Variants in SFSWAP observed in about 807,000 individuals in gnomAD.
SFSWAP encodes the protein splicing factor, suppressor of white-apricot homolog.
In SFSWAP, 17 loss-of-function variants were observed where a neutral mutation model predicts 100.7. The observed-to-expected ratio is 0.17, with a 90% CI of 0.12 to 0.25. The LOEUF (loss-of-function observed/expected upper bound fraction) is 0.25, where lower values mean the gene tolerates loss of function less well. Among genes scored for constraint, SFSWAP ranks in the 10% least tolerant of loss-of-function variants. SFSWAP has a pLI of 1.00. For missense variants in SFSWAP, 1,005 were observed against 1,262.6 expected (o/e 0.80, Z 3.09); for synonymous variants, 504 against 510.1 (o/e 0.99, Z 0.16).
At chr12:131,752,758 G>A (rs1277499015) in intron 7 of SFSWAP, among the ~76,000 whole-genome samples, 2 of 152,234 alleles carry the variant, frequency 1.3e-5, no homozygotes, top group East Asian at 1.9e-4. Flanking sequence ...GGCCTTCGTG[G>A]GCCGTGTGAG....
At chr12:131,765,845 T>C (rs1388966131) in intron 12 of SFSWAP, among the ~76,000 whole-genome samples, 1 of 152,140 alleles carries the variant, frequency 6.6e-6, no homozygotes, top group Non-Finnish European at 1.5e-5. Flanking sequence ...GTGTGAATAT[T>C]TTGGATATAT....
chr12:131,754,250 A>G (rs1338863676), intron 8 of SFSWAP, 118 bp from the exon 9 acceptor site: 22 of 637,418 alleles, frequency 3.5e-5, no homozygotes, highest in Non-Finnish European at 4.9e-5. Context: ...CCCCTAACAC[A>G]CTGTTTATAA....
chr12:131,737,287 T>C (rs184644294), intron 7 of SFSWAP, among the ~76,000 whole-genome samples: 23 of 152,152 alleles, frequency 1.5e-4, no homozygotes, highest in Admixed American at 1.5e-3. Flanking sequence ...AGTGCTTCTG[T>C]ATCGGCACCT....
chr12:131,731,216 T>TGTGGC (rs1879471754), intron 7 of SFSWAP, among the ~76,000 whole-genome samples: 2 of 152,350 alleles, frequency 1.3e-5, no homozygotes, highest in African/African-American at 2.4e-5. Context: ...GATGAGTGGC[T>TGTGGC]GTGGCGTGGC....
chr12:131,785,122 G>A (rs1384351178), intron 14 of SFSWAP: 5 of 1,535,664 alleles, frequency 3.3e-6, no homozygotes, highest in South Asian at 2.4e-5. Flanking sequence ...TCAGAGCAGC[G>A]CGTCAGTGAC....
chr12:131,784,063 T>C (rs1474900419), intron 14 of SFSWAP: 1 of 151,978 alleles, frequency 6.6e-6, no homozygotes, highest in Non-Finnish European at 1.5e-5. Context: ...GGAAACCAGA[T>C]GCTTGCAGTT....
intron 13 of SFSWAP, among the ~76,000 whole-genome samples, chr12:131,769,127 A>C: frequency 1.0e-4 from 1 of 9,558 alleles, no homozygotes; most frequent in South Asian, 3.4e-3. Flanking sequence ...ACTCCTTCTC[A>C]AAAAAAAAAA....
At chr12:131,784,955 G>A (rs188051069) in intron 14 of SFSWAP, 17 of 714,052 alleles carry the variant, frequency 2.4e-5, no homozygotes, top group African/African-American at 9.0e-5. Flanking sequence ...AGAATTCTAC[G>A]TGTAAGCATT....
chr12:131,741,947 G>GT (rs1761605470), intron 7 of SFSWAP, among the ~76,000 whole-genome samples: 1 of 152,004 alleles, frequency 6.6e-6, no homozygotes, highest in Non-Finnish European at 1.5e-5. Context: ...TTCTTCCCTG[G>GT]TGTGCAAGCC....
chr12:131,746,405 G>A (rs970934444), intron 7 of SFSWAP, among the ~76,000 whole-genome samples: 23 of 152,178 alleles, frequency 1.5e-4, no homozygotes, highest in African/African-American at 5.3e-4. Context: ...CTAGACCCAG[G>A]CGGAGCAAGC....
intron 13 of SFSWAP, among the ~76,000 whole-genome samples, chr12:131,773,297 A>G (rs867044963): frequency 1.1e-4 from 16 of 152,206 alleles, no homozygotes; most frequent in African/African-American, 3.9e-4. Flanking sequence ...GGTCATTTAC[A>G]TAGTAGCAAC....
chr12:131,797,526 G>A (rs1322520831), intron 16 of SFSWAP, among the ~76,000 whole-genome samples, 166 bp downstream of exon 16: 1 of 152,240 alleles, frequency 6.6e-6, no homozygotes, highest in Non-Finnish European at 1.5e-5. Flanking sequence ...CGCCCTAGAT[G>A]TGGCTTCTCA....
chr12:131,723,938 T>C (rs931390602), intron 4 of SFSWAP, among the ~76,000 whole-genome samples: 1 of 152,266 alleles, frequency 6.6e-6, no homozygotes, highest in Non-Finnish European at 1.5e-5. Flanking sequence ...CATATTTATA[T>C]GTTGACTGTA....
chr12:131,726,370 C>T (rs568368257), intron 5 of SFSWAP, among the ~76,000 whole-genome samples: 9 of 152,220 alleles, frequency 5.9e-5, no homozygotes, highest in South Asian at 4.1e-4. Context: ...CCACCACGCC[C>T]GGCTAATTTT....
intron 7 of SFSWAP, among the ~76,000 whole-genome samples, chr12:131,744,157 T>A (rs757809451): frequency 3.7e-4 from 56 of 152,346 alleles, no homozygotes; most frequent in Non-Finnish European, 7.1e-4. Flanking sequence ...ATTTTCTGCA[T>A]TGTCTTGGGG....
chr12:131,779,112 G>A (rs1000418101), intron 14 of SFSWAP, among the ~76,000 whole-genome samples: 7 of 149,274 alleles, frequency 4.7e-5, no homozygotes, highest in Non-Finnish European at 3.0e-5. Flanking sequence ...ACACTCACCG[G>A]TGCCACACTC....
chr12:131,785,199 T>G (rs1433839894), intron 14 of SFSWAP: 2 of 1,535,648 alleles, frequency 1.3e-6, no homozygotes, highest in African/African-American at 2.7e-5. Context: ...CCGCGAGCTC[T>G]TTTGAGGGAA....
chr12:131,711,345 G>C lies in SFSWAP; in HGVS notation c.116G>C (p.Gly39Ala), dbSNP rs746812249. The C allele has an allele frequency of 1.2e-6, 2 of 1,614,010 alleles. No individual in the cohort carries two copies. Among genetic ancestry groups the C allele is most frequent in the Non-Finnish European group, 8.5e-7 (1 of 1,180,030 alleles). The change falls in exon 1 of 18, where the codon GGC becomes GCC. Residue 39 changes from glycine (G) to alanine (A), a missense_variant. Physicochemically the swap from Gly to Ala is moderately conservative, Grantham distance 60. This residue lies in a region of SFSWAP where 237 missense variants were observed against 337.0 expected (regional missense o/e 0.70). Transcript: ENST00000261674. The surrounding 1 kb of genome is among the most constrained non-coding windows in gnomAD (Gnocchi z 4.9). ...GGSRVELLVF[G>A]YACKLFRDDE... ...AGCCGAGTGGAGCTCTTGGTTTTCG[G>C]CTATGCCTGCAAGCTGTTCCGGGAC...
At chr12:131,747,742 AGAG>A (rs1166385224) in intron 7 of SFSWAP, among the ~76,000 whole-genome samples, 2 of 152,208 alleles carry the variant, frequency 1.3e-5, no homozygotes, top group South Asian at 4.1e-4. Flanking sequence ...GGGGGACTAC[AGAG>A]GAGAGGCATG....
Sources: allele counts gnomAD v4.1 joint callset (sites outside exome capture counted in the v4.1 genomes callset), GRCh38; gene constraint gnomAD v4.1.1; regional missense constraint gnomAD v4.1.1; non-coding constraint Gnocchi (gnomAD v3.1); transcripts MANE v1.5; gene names NCBI Gene and HGNC (gene_info 2026-07-23, HGNC 2026-07-21).